Variants in FGF18 observed in about 807,000 individuals in gnomAD.
FGF18 encodes fibroblast growth factor 18.
FGF18 carries 5 observed loss-of-function variants against 23.0 expected under a neutral mutation model. The ratio of observed to expected loss-of-function variants is 0.22; its 90% CI spans 0.11 to 0.46. FGF18 has a LOEUF of 0.46. Ranked by LOEUF, FGF18 falls within the 20% of genes least tolerant of loss-of-function variation. The pLI is 0.99. For missense variants in FGF18, 180 were observed against 291.6 expected (o/e 0.62, Z 2.79); for synonymous variants, 117 against 118.9 (o/e 0.98, Z 0.10).
intron 2 of FGF18, among the ~76,000 whole-genome samples, chr5:171,420,802 C>T (rs1771993835): frequency 6.6e-6 from 1 of 152,276 alleles, no homozygotes; most frequent in Admixed American, 6.5e-5. Context: ...CTCTGCCAAC[C>T]TTCCCTTAAC....
chr5:171,446,094 C>T (rs1772415485), intron 3 of FGF18, among the ~76,000 whole-genome samples: 1 of 152,242 alleles, frequency 6.6e-6, no homozygotes, highest in African/African-American at 2.4e-5. Context: ...TCTGGCCCGG[C>T]TCCCTCCTCA....
chr5:171,435,668 G>A (rs1016018468), intron 2 of FGF18, among the ~76,000 whole-genome samples: 6 of 152,080 alleles, frequency 3.9e-5, no homozygotes, highest in Admixed American at 6.5e-5. Flanking sequence ...ATCCCCTCTC[G>A]TTCCTCACCC....
chr5:171,423,426 C>G (rs1581268888), intron 2 of FGF18, among the ~76,000 whole-genome samples: 1 of 152,346 alleles, frequency 6.6e-6, no homozygotes, highest in East Asian at 1.9e-4. Flanking sequence ...CCGGCACCTG[C>G]CTGACATTGT....
intron 2 of FGF18, among the ~76,000 whole-genome samples, chr5:171,432,855 C>T (rs1267470081): frequency 2.0e-5 from 3 of 152,202 alleles, no homozygotes; most frequent in African/African-American, 4.8e-5. Flanking sequence ...TTTTGGCCGC[C>T]GCCTTTTGGC....
intron 2 of FGF18, among the ~76,000 whole-genome samples, chr5:171,422,331 C>T (rs1200143179): frequency 1.3e-5 from 2 of 152,068 alleles, no homozygotes; most frequent in East Asian, 3.9e-4. Context: ...CTCCTCTCCC[C>T]ACCACCTCCA....
intron 2 of FGF18, among the ~76,000 whole-genome samples, chr5:171,426,181 A>G (rs1772086000): frequency 6.6e-6 from 1 of 152,098 alleles, no homozygotes; most frequent in African/African-American, 2.4e-5. Flanking sequence ...TGCATCACCC[A>G]AACTCTTGTT....
chr5:171,436,406 G>A lies in FGF18; in HGVS notation c.250+133G>A. 1 of 632,830 alleles carries A rather than the reference G, an allele frequency of 1.6e-6. No individual in the cohort carries two copies. Among genetic ancestry groups the A allele is most frequent in the South Asian group, 4.0e-5 (1 of 24,962 alleles). 39.2% of individuals were successfully genotyped at this position (632,830 alleles called of 1,614,324 possible). A position where few individuals can be genotyped will look rare whatever the true frequency, so the allele number is the denominator to read the frequency against. ...CTTGGACCTGGCACTGACCCTTTCT[G>A]GGTCTGTTTCCTGATCTATAAAATG... is the stretch of plus-strand genomic sequence containing the variant. On this transcript the variant is annotated intron_variant, in intron 3 of 4. Transcript: ENST00000274625. This position sits in a 1 kb window ranked among gnomAD's most constrained non-coding sequence, Gnocchi z 4.4.
At chr5:171,445,654 C>T (rs1772407980) in intron 3 of FGF18, among the ~76,000 whole-genome samples, 1 of 152,148 alleles carries the variant, frequency 6.6e-6, no homozygotes, top group African/African-American at 2.4e-5. Context: ...GCATGAGCCA[C>T]AGCGCCTGGC....
At chr5:171,430,107 C>G (rs752459242) in intron 2 of FGF18, among the ~76,000 whole-genome samples, 3 of 152,098 alleles carry the variant, frequency 2.0e-5, no homozygotes, top group Admixed American at 6.5e-5. Context: ...GCCTGTAATC[C>G]CAGCACTTTG....
intron 3 of FGF18, among the ~76,000 whole-genome samples, chr5:171,441,756 T>A (rs1186629060): frequency 6.6e-6 from 1 of 152,210 alleles, no homozygotes; most frequent in East Asian, 1.9e-4. Flanking sequence ...ACGCTCTCAG[T>A]ATATGCTTGA....
chr5:171,425,739 C>G (rs574051343), intron 2 of FGF18, among the ~76,000 whole-genome samples: 3 of 151,238 alleles, frequency 2.0e-5, no homozygotes, highest in Non-Finnish European at 2.9e-5. Context: ...ACTGTGTTTG[C>G]TAGGATGGTC....
Position 171,440,907 on chromosome 5 carries a change from C to T in FGF18, c.250+4634C>T, listed in dbSNP as rs1390169406. On this transcript the variant is annotated intron_variant, in intron 3 of 4. Transcript: ENST00000274625. This position sits in a 1 kb window ranked among gnomAD's most constrained non-coding sequence, Gnocchi z 4.0. The stretch of plus-strand genomic sequence containing the variant: ...TCTGTTGACGTGGCTGGTGCCCCTG[C>T]GAGAGTGTGAGCTCCTTGGAGGGAG... 2.0e-5 allele frequency among the ~76,000 whole-genome samples: 3 copies of T among 152,194 alleles called. No homozygotes were observed. The highest frequency in any genetic ancestry group is 2.9e-5 in the Non-Finnish European group (2 of 68,036).
chr5:171,452,472 C>T (rs1327384743), intron 4 of FGF18, among the ~76,000 whole-genome samples: 1 of 152,224 alleles, frequency 6.6e-6, no homozygotes, highest in Non-Finnish European at 1.5e-5. Flanking sequence ...CTTTCTGCTG[C>T]ATTGTACCAA....
chr5:171,432,479 G>T (rs1266932828), intron 2 of FGF18, among the ~76,000 whole-genome samples: 1 of 151,980 alleles, frequency 6.6e-6, no homozygotes. Context: ...TGCAATCTCG[G>T]CTCATGGCAA....
Position 171,456,594 on chromosome 5 carries a change from A to G in FGF18, c.413A>G (p.Tyr138Cys). ...VFIEKVLENNYTALMSAKYSG... is the reference protein window; with the variant it reads ...VFIEKVLENNCTALMSAKYSG... The stretch of plus-strand genomic sequence containing the variant: ...ATCGAGAAGGTTCTGGAGAACAACT[A>G]CACGGCCCTGATGTCGGCTAAGTAC... Residue 138 changes from tyrosine (Y) to cysteine (C), a missense_variant, in exon 5 of 5, where the codon TAC (tyrosine) becomes TGC (cysteine). Coordinates refer to ENST00000274625, the MANE Select transcript of FGF18 (RefSeq NM_003862.3). This position sits in a 1 kb window ranked among gnomAD's most constrained non-coding sequence, Gnocchi z 6.1. 1.2e-6 allele frequency: 2 copies of G among 1,614,178 alleles called. No individual in the cohort carries two copies. The highest frequency in any genetic ancestry group is 3.3e-5 in the Admixed American group (2 of 60,024).
chr5:171,420,527 C>G, intron 2 of FGF18, 84 bp downstream of exon 2: 1 of 1,326,766 alleles, frequency 7.5e-7, no homozygotes, highest in Non-Finnish European at 1.1e-6. Context: ...CGCCCCCTCC[C>G]TGTGCCCCAC....
intron 4 of FGF18, 147 bp downstream of exon 4, chr5:171,449,400 T>TGTGTGTGTGTGTGTGAGA (rs1458322429): frequency 2.2e-5 from 8 of 363,216 alleles, no homozygotes; most frequent in South Asian, 5.0e-5. Flanking sequence ...TGTGTGTGTG[T>TGTGTGTGTGTGTGTGAGA]GAGAGAGAGA....
In FGF18 at chr5:171,436,590, C is replaced by T. The variant is rs1772250049; in HGVS notation, c.250+317C>T. Among the ~76,000 whole-genome samples the T allele has an allele frequency of 6.6e-6, 1 of 152,220 alleles. No homozygotes were observed. Among genetic ancestry groups the T allele is most frequent in the Non-Finnish European group, 1.5e-5 (1 of 68,046 alleles). On this transcript the variant is annotated intron_variant, in intron 3 of 4. Coordinates refer to ENST00000274625, the MANE Select transcript of FGF18 (RefSeq NM_003862.3). This position sits in a 1 kb window ranked among gnomAD's most constrained non-coding sequence, Gnocchi z 4.4. The stretch of plus-strand genomic sequence containing the variant: ...AAGCAGGTGGCTGTTCCCATGCCAC[C>T]ACTCACCAGCCCCAGGTTCAGCCAC...
Position 171,456,875 on chromosome 5 carries a change from T to C in FGF18, c.*70T>C. 5 of 1,500,478 alleles carry C rather than the reference T, an allele frequency of 3.3e-6. No individual in the cohort carries two copies. The highest frequency in any genetic ancestry group is 4.5e-6 in the Non-Finnish European group (5 of 1,117,554). The allele number at this position is 1,500,478 out of a possible 1,614,324, so 92.9% of individuals were successfully genotyped here. ...CTCCCAGAAAACTGCATCAGAGGAA[T>C]ATTTTTACATGAAAAATAAGGAAGA... On this transcript the variant is annotated 3_prime_UTR_variant, in exon 5 of 5. Coordinates refer to ENST00000274625, the MANE Select transcript of FGF18 (RefSeq NM_003862.3). The surrounding 1 kb of genome is among the most constrained non-coding windows in gnomAD (Gnocchi z 6.1).
Sources: allele counts gnomAD v4.1 joint callset (sites outside exome capture counted in the v4.1 genomes callset), GRCh38; gene constraint gnomAD v4.1.1; non-coding constraint Gnocchi (gnomAD v3.1); transcripts MANE v1.5; gene names NCBI Gene and HGNC (gene_info 2026-07-23, HGNC 2026-07-21).